Variants in ATP9B observed in about 807,000 individuals in gnomAD.
ATP9B encodes probable phospholipid-transporting ATPase IIB.
A neutral mutation model predicts 146.1 loss-of-function variants in ATP9B; 110 were observed. The ratio of observed to expected loss-of-function variants is 0.75; its 90% CI spans 0.65 to 0.88. The LOEUF is 0.88. Ranked by LOEUF, ATP9B falls within the 40% of genes least tolerant of loss-of-function variation. The pLI, the probability that ATP9B is intolerant of heterozygous loss-of-function variation, is 0.00. For synonymous variants in ATP9B, 604 were observed against 569.7 expected (o/e 1.06, Z -0.86); for missense variants, 1,499 against 1,496.4 (o/e 1.00, Z -0.03).
intron 15 of ATP9B, 142 bp downstream of exon 15, chr18:79,307,376 C>A: frequency 1.6e-6 from 2 of 1,230,976 alleles, no homozygotes; most frequent in South Asian, 3.1e-5. Flanking sequence ...ATGTGGAAAA[C>A]TGCCCAACCT....
At chr18:79,371,979 C>G (rs2097073752) in intron 26 of ATP9B, among the ~76,000 whole-genome samples, 1 of 152,240 alleles carries the variant, frequency 6.6e-6, no homozygotes, top group Non-Finnish European at 1.5e-5. Flanking sequence ...GACGTCTGCT[C>G]TGTGTAACTG....
intron 5 of ATP9B, among the ~76,000 whole-genome samples, chr18:79,128,224 G>A (rs2094320849): frequency 6.6e-6 from 1 of 151,466 alleles, no homozygotes; most frequent in Non-Finnish European, 1.5e-5. Flanking sequence ...GCGCCCGGGT[G>A]ATTTTTTGTA....
chr18:79,261,570 C>G (rs561614317), intron 12 of ATP9B, among the ~76,000 whole-genome samples: 101 of 152,174 alleles, frequency 6.6e-4, no homozygotes, highest in African/African-American at 2.3e-3. Flanking sequence ...CCCGACCAGT[C>G]CAGGAGGAAA....
chr18:79,248,798 G>A (rs531236040), intron 11 of ATP9B, among the ~76,000 whole-genome samples: 1 of 152,310 alleles, frequency 6.6e-6, no homozygotes, highest in African/African-American at 2.4e-5. Context: ...TCTTTGTAAG[G>A]GGTAAGTACG....
Position 79,336,682 on chromosome 18 carries a change from T to C in ATP9B, c.2083T>C (p.Leu695=), listed in dbSNP as rs141723386. The change falls in exon 18 of 30, where the codon TTG becomes CTG. Residue 695 remains leucine, a synonymous_variant. Transcript: ENST00000426216. ...GACCCTCGTGGTTGCAAAGAAGGCG[T>C]TGACAGAGGAGCAGTACCAGGACTT... The part of the protein sequence containing the change: ...LRTLVVAKKA[L]TEEQYQDFES... 3.1e-6 allele frequency: 5 copies of C among 1,613,806 alleles called. No individual in the cohort carries two copies. Among genetic ancestry groups the C allele is most frequent in the Non-Finnish European group, 4.2e-6 (5 of 1,179,938 alleles).
chr18:79,297,447 C>A (rs116757666), intron 13 of ATP9B, among the ~76,000 whole-genome samples: 1 of 152,232 alleles, frequency 6.6e-6, no homozygotes, highest in African/African-American at 2.4e-5. Flanking sequence ...AGACGCGGCC[C>A]GCCGTTCTCA....
intron 5 of ATP9B, among the ~76,000 whole-genome samples, chr18:79,128,508 T>C (rs997353083): frequency 1.5e-4 from 23 of 152,210 alleles, no homozygotes; most frequent in African/African-American, 5.3e-4. Context: ...ATTAAAAATC[T>C]TTGATGCTCG....
At chr18:79,138,851 T>C (rs1384774192) in intron 5 of ATP9B, among the ~76,000 whole-genome samples, 1 of 149,928 alleles carries the variant, frequency 6.7e-6, no homozygotes, top group African/African-American at 2.5e-5. Context: ...GGTGGATTGC[T>C]TGAGCTCAGG....
Position 79,369,195 on chromosome 18 carries a change from G to A in ATP9B, c.3013-3630G>A, listed in dbSNP as rs566767193. Among the ~76,000 whole-genome samples, 14 of 151,830 alleles carry A rather than the reference G, an allele frequency of 9.2e-5. No homozygotes were observed. The South Asian group carries it at 1.3e-3, about 14-fold the overall frequency. ...GGGCGGGTCACGAGGTCAGGAGATC[G>A]AGACCATCCTGGCCAACACCGTAAA... On this transcript the variant is annotated intron_variant, in intron 26 of 29. Transcript: ENST00000426216.
At chr18:79,280,647 G>A (rs1392901173) in intron 13 of ATP9B, among the ~76,000 whole-genome samples, 1 of 152,074 alleles carries the variant, frequency 6.6e-6, no homozygotes, top group East Asian at 1.9e-4. Flanking sequence ...AGATCTTATG[G>A]ACATATATAG....
intron 13 of ATP9B, among the ~76,000 whole-genome samples, chr18:79,297,214 G>A (rs188723013): frequency 1.6e-4 from 24 of 150,398 alleles, no homozygotes; most frequent in Admixed American, 9.9e-4. Context: ...ACGACCCAGA[G>A]AGAAGACAGA....
At chr18:79,180,948 C>T (rs1189215816) in intron 8 of ATP9B, among the ~76,000 whole-genome samples, 1 of 151,606 alleles carries the variant, frequency 6.6e-6, no homozygotes, top group African/African-American at 2.4e-5. Flanking sequence ...TGTGCCACCA[C>T]CACGCCCGGC....
intron 2 of ATP9B, among the ~76,000 whole-genome samples, chr18:79,098,893 A>G (rs1313915880): frequency 1.3e-5 from 2 of 152,106 alleles, no homozygotes; most frequent in Non-Finnish European, 2.9e-5. Context: ...AATGAACATC[A>G]GTTATTATAC....
At chr18:79,245,627 G>A (rs1599234587) in intron 11 of ATP9B, among the ~76,000 whole-genome samples, 1 of 30,574 alleles carries the variant, frequency 3.3e-5, no homozygotes. Context: ...TACTGACTGG[G>A]GAGGGTACCG....
chr18:79,371,487 C>T (rs1452830325), intron 26 of ATP9B, among the ~76,000 whole-genome samples: 1 of 151,794 alleles, frequency 6.6e-6, no homozygotes. Flanking sequence ...CATCTTCACA[C>T]ACTGACTCTT....
At chr18:79,113,816 T>G (rs933595714) in intron 4 of ATP9B, among the ~76,000 whole-genome samples, 1 of 152,216 alleles carries the variant, frequency 6.6e-6, no homozygotes, top group Non-Finnish European at 1.5e-5. Context: ...AGGCCAGTGA[T>G]GCAATGATGC....
Position 79,239,888 on chromosome 18 carries a change from G to A in ATP9B, c.1108-13493G>A, listed in dbSNP as rs73971595. ...AGAGCATGGTTCCTGAGGGCTAAGCGTTCCCAAAGGATGAGCGGAGAGGCT... is the reference window on the plus strand; with the variant it reads ...AGAGCATGGTTCCTGAGGGCTAAGCATTCCCAAAGGATGAGCGGAGAGGCT... On this transcript the variant is annotated intron_variant, in intron 11 of 29. Transcript: ENST00000426216. The surrounding 1 kb of genome is among the most constrained non-coding windows in gnomAD (Gnocchi z 5.1). Among the ~76,000 whole-genome samples, 780 of 152,324 alleles carry A rather than the reference G, an allele frequency of 5.1e-3. 12 individuals are homozygous for A. The highest frequency in any genetic ancestry group is 0.017 in the African/African-American group (708 of 41,582).
At chr18:79,252,627 G>A (rs2096038196) in intron 11 of ATP9B, among the ~76,000 whole-genome samples, 1 of 152,186 alleles carries the variant, frequency 6.6e-6, no homozygotes, top group African/African-American at 2.4e-5. Flanking sequence ...TATACAGAAT[G>A]CAGCCAAAAA....
chr18:79,340,392 A>G (rs771420348), intron 19 of ATP9B: 6 of 152,268 alleles, frequency 3.9e-5, no homozygotes, highest in Non-Finnish European at 7.4e-5. Flanking sequence ...AGGTTGCCGC[A>G]GTGCTAGTTC....
Sources: allele counts gnomAD v4.1 joint callset (sites outside exome capture counted in the v4.1 genomes callset), GRCh38; gene constraint gnomAD v4.1.1; non-coding constraint Gnocchi (gnomAD v3.1); transcripts MANE v1.5; gene names NCBI Gene and HGNC (gene_info 2026-07-23, HGNC 2026-07-21).